Variants in FNDC1 observed in about 807,000 individuals in gnomAD.
The protein encoded by FNDC1 is fibronectin type III domain containing 1.
In FNDC1, 96 loss-of-function variants were observed where a neutral mutation model predicts 168.0. The ratio of observed to expected loss-of-function variants is 0.57; its 90% CI spans 0.48 to 0.68. FNDC1 has a LOEUF of 0.68. Among genes scored for constraint, FNDC1 ranks in the 30% least tolerant of loss-of-function variants. FNDC1 has a pLI of 0.00. For missense variants in FNDC1, 2,587 were observed against 2,482.1 expected, an observed-to-expected ratio of 1.04 and a Z score of -0.90; for synonymous variants, 1,099 against 1,025.9, an observed-to-expected ratio of 1.07 and a Z score of -1.36.
intron 1 of FNDC1, among the ~76,000 whole-genome samples, chr6:159,182,064 T>C (rs1781891574): frequency 1.3e-5 from 2 of 152,236 alleles, no homozygotes; most frequent in South Asian, 4.1e-4. Flanking sequence ...CATATGTACC[T>C]GCTGATATTC....
At chr6:159,188,369 CTTTTTTTTTTTTT>C (rs61551779) in intron 1 of FNDC1, among the ~76,000 whole-genome samples, 2 of 128,638 alleles carry the variant, frequency 1.6e-5, no homozygotes, top group African/African-American at 2.7e-5. Flanking sequence ...CAATTTCTTT[CTTTTTTTTTTTTT>C]TTTTTTTTTT....
chr6:159,197,162 A>G (rs1782260191), intron 1 of FNDC1, among the ~76,000 whole-genome samples: 1 of 152,240 alleles, frequency 6.6e-6, no homozygotes, highest in South Asian at 2.1e-4. Context: ...CAAGCCAGAC[A>G]ATGCCTAAAG....
chr6:159,253,113 G>T (rs555233278), intron 17 of FNDC1, among the ~76,000 whole-genome samples: 10 of 152,226 alleles, frequency 6.6e-5, no homozygotes, highest in African/African-American at 2.4e-4. Flanking sequence ...GCCCCACCCT[G>T]CACCTCATCT....
chr6:159,209,518 T>G (rs1176074567), intron 4 of FNDC1, among the ~76,000 whole-genome samples: 1 of 152,182 alleles, frequency 6.6e-6, no homozygotes, highest in Non-Finnish European at 1.5e-5. Flanking sequence ...CTTTCTTGAC[T>G]CCATGTCAAG....
intron 12 of FNDC1, among the ~76,000 whole-genome samples, chr6:159,237,294 C>T (rs942641926): frequency 4.6e-5 from 7 of 152,174 alleles, no homozygotes; most frequent in African/African-American, 1.4e-4. Flanking sequence ...GCCTGAGTGT[C>T]TAAAGCAGTG....
chr6:159,252,200 A>G (rs1357157575), intron 17 of FNDC1, among the ~76,000 whole-genome samples: 6 of 151,940 alleles, frequency 3.9e-5, no homozygotes, highest in Non-Finnish European at 5.9e-5. Context: ...GAGAATTGAT[A>G]TTTTCTGTGA....
At chr6:159,266,270 A>G (rs1199805662) in intron 21 of FNDC1, 25 bp downstream of exon 21, 9 of 1,612,282 alleles carry the variant, frequency 5.6e-6, no homozygotes, top group South Asian at 1.1e-5. Flanking sequence ...ATGGTTGGCT[A>G]TGGGAGGTAT....
At position 159,268,856 on chromosome 6, in the gene FNDC1, C is replaced by T. The variant is rs943497454; in HGVS notation, c.5569+930C>T. ...TCTATCTATCTATCTATCTATCTAT[C>T]TATCTATCCATACTGTCTATCCTTA... On this transcript the variant is annotated intron_variant, in intron 22 of 22. Coordinates refer to ENST00000297267, the MANE Select transcript of FNDC1 (RefSeq NM_032532.3). Among the ~76,000 whole-genome samples the T allele has an allele frequency of 2.6e-4, 24 of 93,862 alleles. 1 individual carries two copies. The South Asian group carries it at 8.0e-3, about 31-fold the overall frequency. The allele number at this position is 93,862 out of a possible 152,430, so 61.6% of individuals were successfully genotyped here.
intron 17 of FNDC1, among the ~76,000 whole-genome samples, chr6:159,253,894 C>T (rs968664421): frequency 6.6e-6 from 1 of 152,248 alleles, no homozygotes; most frequent in African/African-American, 2.4e-5. Flanking sequence ...TTCCGTGGCA[C>T]ACGTGTGACC....
intron 13 of FNDC1, 123 bp from the exon 14 acceptor site, chr6:159,239,394 C>T: frequency 1.2e-6 from 1 of 802,562 alleles, no homozygotes. Context: ...TCATTTATCC[C>T]TTTGCCTTTT....
In FNDC1 at chr6:159,271,902, A is replaced by G. The variant is rs1487501366; in HGVS notation, c.*460A>G. The G allele has an allele frequency of 6.5e-6, 1 of 154,568 alleles. No individual in the cohort carries two copies. Among genetic ancestry groups the G allele is most frequent in the Non-Finnish European group, 1.4e-5 (1 of 69,530 alleles). The allele number at this position is 154,568 out of a possible 1,614,324, so 9.6% of individuals were successfully genotyped here. A position where few individuals can be genotyped will look rare whatever the true frequency, so the allele number is the denominator to read the frequency against. ...TTCAGGTCCCTTTGTATGCAGTAGA[A>G]AGGAATTATTAAAAACACCACCAAA... On this transcript the variant is annotated 3_prime_UTR_variant, in exon 23 of 23. Coordinates refer to ENST00000297267, the MANE Select transcript of FNDC1 (RefSeq NM_032532.3).
chr6:159,184,016 T>C (rs1781940624), intron 1 of FNDC1, among the ~76,000 whole-genome samples: 1 of 152,246 alleles, frequency 6.6e-6, no homozygotes, highest in South Asian at 2.1e-4. Context: ...AGAAAGAGCA[T>C]GGTCCATAGT....
intron 1 of FNDC1, among the ~76,000 whole-genome samples, chr6:159,196,878 CAT>C (rs1239765142): frequency 3.3e-5 from 5 of 152,202 alleles, no homozygotes; most frequent in African/African-American, 9.6e-5. Flanking sequence ...TTAAATTAGA[CAT>C]ATGCAGATAG....
At chr6:159,205,423 A>G (rs1012486653) in intron 4 of FNDC1, among the ~76,000 whole-genome samples, 21 of 152,166 alleles carry the variant, frequency 1.4e-4, no homozygotes, top group Non-Finnish European at 2.8e-4. Flanking sequence ...CTCTAAACCT[A>G]GTGTCTTGAG....
chr6:159,271,534 GC>G lies in FNDC1; in HGVS notation c.*96del, dbSNP rs1372473978. 11 of 903,552 alleles carry G rather than the reference GC, an allele frequency of 1.2e-5. No individual in the cohort carries two copies. Among genetic ancestry groups the G allele is most frequent in the Admixed American group, 2.0e-5 (1 of 49,082 alleles). The allele number at this position is 903,552 out of a possible 1,614,324, so 56.0% of individuals were successfully genotyped here. On this transcript the variant is annotated 3_prime_UTR_variant, in exon 23 of 23. Coordinates refer to ENST00000297267, the MANE Select transcript of FNDC1 (RefSeq NM_032532.3). ...TGAGCAAAGACAGCCAGCGTGCTCA[GC>G]CCCGCTGCCCTAGGTGCCAGGAAGG...
intron 1 of FNDC1, among the ~76,000 whole-genome samples, chr6:159,188,067 G>A (rs1168643505): frequency 2.0e-5 from 3 of 152,158 alleles, no homozygotes; most frequent in Admixed American, 6.6e-5. Flanking sequence ...AGTATTTGGC[G>A]GTTTCCAATG....
intron 4 of FNDC1, among the ~76,000 whole-genome samples, chr6:159,208,323 AGCTACG>A (rs1286853541): frequency 6.6e-6 from 1 of 152,212 alleles, no homozygotes; most frequent in Admixed American, 6.5e-5. Flanking sequence ...TCTAGAGATA[AGCTACG>A]GCCACAGATG....
At chr6:159,264,206 C>G (rs1011071143) in intron 19 of FNDC1, among the ~76,000 whole-genome samples, 1 of 152,240 alleles carries the variant, frequency 6.6e-6, no homozygotes. Flanking sequence ...TGGACAGTTT[C>G]CTCCTGCTAC....
At chr6:159,192,415 T>C (rs1397788451) in intron 1 of FNDC1, among the ~76,000 whole-genome samples, 2 of 152,232 alleles carry the variant, frequency 1.3e-5, no homozygotes, top group Non-Finnish European at 2.9e-5. Flanking sequence ...ATTTTTACCA[T>C]TGGTTCACTT....
Sources: allele counts gnomAD v4.1 joint callset (sites outside exome capture counted in the v4.1 genomes callset), GRCh38; gene constraint gnomAD v4.1.1; transcripts MANE v1.5; gene names NCBI Gene and HGNC (gene_info 2026-07-23, HGNC 2026-07-21).